Variants in IQANK1 observed in about 807,000 individuals in gnomAD.
IQANK1 encodes the protein IQ motif and ankyrin repeat domain-containing protein 1.
In IQANK1, 30 loss-of-function variants were observed where a neutral mutation model predicts 22.6. The ratio of observed to expected loss-of-function variants is 1.33; its 90% CI spans 0.99 to 1.80. The LOEUF (loss-of-function observed/expected upper bound fraction) is 1.80, where lower values mean the gene tolerates loss of function less well. Among genes scored for constraint, IQANK1 ranks in the 40% most tolerant of loss-of-function variants. The probability of loss-of-function intolerance (pLI) is 0.00; values close to 1 mark genes in which losing one functional copy is unlikely to be tolerated. For missense variants in IQANK1, 275 were observed against 235.2 expected, an observed-to-expected ratio of 1.17 and a Z score of -1.11; for synonymous variants, 122 against 99.6, an observed-to-expected ratio of 1.23 and a Z score of -1.34.
chr8:143,787,355 G>A (rs925606859), intron 7 of IQANK1, among the ~76,000 whole-genome samples: 1 of 152,138 alleles, frequency 6.6e-6, no homozygotes, highest in African/African-American at 2.4e-5. Context: ...AGGTGGCCGT[G>A]GAGGTGAGTT....
chr8:143,782,338 AATACTATGTTGAAT>A (rs1819810126), intron 7 of IQANK1, among the ~76,000 whole-genome samples: 1 of 152,168 alleles, frequency 6.6e-6, no homozygotes, highest in Non-Finnish European at 1.5e-5. Context: ...TAGGACTTCC[AATACTATGTTGAAT>A]AGGAGTGATG....
At chr8:143,769,534 A>C (rs144390289) in intron 3 of IQANK1, among the ~76,000 whole-genome samples, 1 of 152,278 alleles carries the variant, frequency 6.6e-6, no homozygotes, top group East Asian at 1.9e-4. Flanking sequence ...TACTTAGTGT[A>C]TGTCCCCCAA....
intron 3 of IQANK1, chr8:143,742,015 G>A (rs970138892): frequency 1.3e-5 from 3 of 239,364 alleles, no homozygotes; most frequent in Admixed American, 9.6e-5. Flanking sequence ...GCTGGCTGAC[G>A]TCCATGGTGC....
chr8:143,781,866 A>G (rs1819802103), intron 7 of IQANK1, among the ~76,000 whole-genome samples: 1 of 152,192 alleles, frequency 6.6e-6, no homozygotes, highest in Non-Finnish European at 1.5e-5. Flanking sequence ...TTGGTATAAT[A>G]GTTTGATAGG....
intron 3 of IQANK1, among the ~76,000 whole-genome samples, chr8:143,761,963 T>A (rs1554628908): frequency 6.6e-6 from 1 of 152,080 alleles, no homozygotes; most frequent in East Asian, 1.9e-4. Flanking sequence ...TCAAGGAGAG[T>A]AACACAGTAT....
chr8:143,749,229 T>C (rs1387538680), intron 3 of IQANK1, among the ~76,000 whole-genome samples: 1 of 123,678 alleles, frequency 8.1e-6, no homozygotes, highest in Non-Finnish European at 1.6e-5. Flanking sequence ...TATATAAATA[T>C]ATACCTATAT....
intron 5 of IQANK1, 23 bp from the exon 6 acceptor site, chr8:143,772,029 G>A (rs1324950236): frequency 7.6e-6 from 3 of 395,924 alleles, no homozygotes; most frequent in African/African-American, 2.1e-5. Context: ...AGCGGGGAGC[G>A]GTGACCGCGG....
chr8:143,765,866 G>C (rs1819473167), intron 3 of IQANK1, among the ~76,000 whole-genome samples: 1 of 152,130 alleles, frequency 6.6e-6, no homozygotes, highest in Non-Finnish European at 1.5e-5. Context: ...GTAGACATTT[G>C]GATTATTTGT....
chr8:143,787,172 A>C (rs1218591152), intron 7 of IQANK1, among the ~76,000 whole-genome samples: 5 of 70,768 alleles, frequency 7.1e-5, no homozygotes, highest in Non-Finnish European at 2.5e-4. Flanking sequence ...TATTCAAAGC[A>C]AGCAGGGTCG....
chr8:143,788,018 G>C (rs559827965), intron 7 of IQANK1, among the ~76,000 whole-genome samples: 1 of 152,070 alleles, frequency 6.6e-6, no homozygotes, highest in Non-Finnish European at 1.5e-5. Flanking sequence ...CGACTGTTTC[G>C]CAGGCCTAAT....
chr8:143,740,482 C>T (rs1239252330), intron 3 of IQANK1, among the ~76,000 whole-genome samples: 1 of 152,240 alleles, frequency 6.6e-6, no homozygotes, highest in Non-Finnish European at 1.5e-5. Flanking sequence ...AACTCGTCGT[C>T]GGTCTCCACG....
intron 3 of IQANK1, among the ~76,000 whole-genome samples, chr8:143,765,070 G>A (rs1446776892): frequency 6.6e-6 from 1 of 152,040 alleles, no homozygotes; most frequent in Non-Finnish European, 1.5e-5. Context: ...CATATATATA[G>A]CCGCGCCGGG....
chr8:143,760,359 A>G (rs926969179), intron 3 of IQANK1: 3 of 152,118 alleles, frequency 2.0e-5, no homozygotes, highest in African/African-American at 7.2e-5. Flanking sequence ...GTCAGGAAAC[A>G]GAAAACTTAC....
Position 143,790,443 on chromosome 8 carries a change from G to A in IQANK1, c.1518G>A (p.Ser506=), listed in dbSNP as rs1820014055. 1.7e-5 allele frequency: 9 copies of A among 516,136 alleles called. No homozygotes were observed. The highest frequency in any genetic ancestry group is 8.8e-5 in the Admixed American group (2 of 22,834). 32.0% of individuals were successfully genotyped at this position (516,136 alleles called of 1,614,324 possible). A position where few individuals can be genotyped will look rare whatever the true frequency, so the allele number is the denominator to read the frequency against. Residue 506 remains serine (S), a synonymous_variant, in exon 14 of 14, where the codon TCG becomes TCA. Transcript: ENST00000527139. ...AGGCGGTGCAGGAGAGGTACCTGTCGCTGCTGCGGCCCACGGACGGGCCTG... is the reference window on the plus strand; with the variant it reads ...AGGCGGTGCAGGAGAGGTACCTGTCACTGCTGCGGCCCACGGACGGGCCTG... ...QLEAVQERYL[S]LLRPTDGPEY... is the part of the protein sequence containing the mutation.
rs555506417 is a variant in IQANK1, at chr8:143,736,141, A to ATT, written c.85+219_85+220dup. On this transcript the variant is annotated intron_variant, in intron 2 of 13. Coordinates refer to ENST00000527139, the MANE Select transcript of IQANK1 (RefSeq NM_001381874.1). ...CATCTCAGACCTTGAGCCTGAATCT[A>ATT]TTTTTTTTTTTTTTTTTGAGACGGA... 2.8e-3 allele frequency among the ~76,000 whole-genome samples: 390 copies of ATT among 137,032 alleles called. 2 individuals carry two copies. Among genetic ancestry groups the ATT allele is most frequent in the East Asian group, 4.7e-3 (22 of 4,686 alleles). 89.9% of individuals were successfully genotyped at this position (137,032 alleles called of 152,430 possible). A position where few individuals can be genotyped will look rare whatever the true frequency, so the allele number is the denominator to read the frequency against.
chr8:143,787,253 G>A (rs1163629705), intron 7 of IQANK1, among the ~76,000 whole-genome samples: 1 of 152,150 alleles, frequency 6.6e-6, no homozygotes. Context: ...TTTTGATTTT[G>A]GCCCTGGTGG....
chr8:143,754,666 C>T (rs1415318994), intron 3 of IQANK1, among the ~76,000 whole-genome samples: 2 of 151,992 alleles, frequency 1.3e-5, no homozygotes, highest in Non-Finnish European at 2.9e-5. Context: ...CTCTCTGTTG[C>T]CCAGGCTGGA....
At chr8:143,777,213 C>T (rs1435738289) in intron 7 of IQANK1, among the ~76,000 whole-genome samples, 1 of 151,872 alleles carries the variant, frequency 6.6e-6, no homozygotes, top group Non-Finnish European at 1.5e-5. Flanking sequence ...CATATATACA[C>T]ATATATATGA....
intron 3 of IQANK1, among the ~76,000 whole-genome samples, chr8:143,749,236 A>T (rs1415830133): frequency 8.0e-6 from 1 of 124,384 alleles, no homozygotes; most frequent in Non-Finnish European, 1.5e-5. Context: ...ATATATACCT[A>T]TATATCATAT....
Sources: gnomAD v4.1 joint callset for allele counts (sites outside exome capture counted in the v4.1 genomes callset) on GRCh38, gnomAD v4.1.1 for gene constraint, MANE v1.5 for transcripts, NCBI Gene and HGNC (gene_info 2026-07-23, HGNC 2026-07-21) for gene names.